PCDH11X: variants seen among roughly 807,000 people sequenced by gnomAD.
The protein encoded by PCDH11X is protocadherin 11 X-linked, also known as protocadherin-11 X-linked.
In PCDH11X, 18 loss-of-function variants were observed where a neutral mutation model predicts 53.3. The observed-to-expected ratio is 0.34, with a 90% CI of 0.23 to 0.50. PCDH11X has a LOEUF of 0.50. PCDH11X is among the 20% of genes least tolerant of loss of function. The pLI is 0.98. For missense variants in PCDH11X, 570 were observed against 1,032.4 expected (o/e 0.55, Z 6.14); for synonymous variants, 279 against 393.3 (o/e 0.71, Z 3.44).
chrX:91,929,942 G>A (rs956185632), intron 6 of PCDH11X, among the ~76,000 whole-genome samples: 2 of 110,962 alleles, frequency 1.8e-5, no homozygotes, highest in Admixed American at 9.7e-5. Flanking sequence ...GGAGAGTAGT[G>A]GAGTGATTTA....
At chrX:92,567,565 T>C (rs1397455360) in intron 10 of PCDH11X, among the ~76,000 whole-genome samples, 1 of 105,576 alleles carries the variant, frequency 9.5e-6, no homozygotes, top group Admixed American at 1.1e-4. Flanking sequence ...GATCATGTCA[T>C]CTGCAAACAA....
Position 92,452,499 on chromosome X carries a change from G to A in PCDH11X, c.3344-15800G>A, listed in dbSNP as rs558796350. Among the ~76,000 whole-genome samples the A allele has an allele frequency of 6.9e-3, 246 of 35,617 alleles. 1 individual carries two copies. Among genetic ancestry groups the A allele is most frequent in the African/African-American group, 0.019 (121 of 6,536 alleles). The allele number at this position is 35,617 out of a possible 115,157, so 30.9% of individuals were successfully genotyped here. A position where few individuals can be genotyped will look rare whatever the true frequency, so the allele number is the denominator to read the frequency against. On this transcript the variant is annotated intron_variant, in intron 9 of 10. Transcript: ENST00000682573. ...TATATATATATATATATATATATAT[G>A]TTTTTTTTTTTTTTTTTGAGATGGA...
intron 6 of PCDH11X, among the ~76,000 whole-genome samples, chrX:92,026,221 G>A (rs777544186): frequency 9.0e-6 from 1 of 110,528 alleles, no homozygotes; most frequent in Non-Finnish European, 1.9e-5. Flanking sequence ...TCAAAAGAAG[G>A]ACAATGTTTT....
At chrX:92,305,327 T>C (rs1212347296) in intron 8 of PCDH11X, among the ~76,000 whole-genome samples, 1 of 108,909 alleles carries the variant, frequency 9.2e-6, no homozygotes, top group Non-Finnish European at 1.9e-5. Context: ...TTTCAGAAAG[T>C]GCAAGACAAG....
chrX:92,177,428 A>G (rs1241695005), intron 6 of PCDH11X, among the ~76,000 whole-genome samples: 1 of 111,827 alleles, frequency 8.9e-6, no homozygotes, highest in Non-Finnish European at 1.9e-5. Context: ...TGATTTTATC[A>G]CAAAAGCTTC....
chrX:92,334,689 A>G (rs978787167), intron 8 of PCDH11X, among the ~76,000 whole-genome samples: 1 of 111,526 alleles, frequency 9.0e-6, no homozygotes, highest in Non-Finnish European at 1.9e-5. Flanking sequence ...TGGCAGCTGC[A>G]TTGCCCGCCA....
chrX:91,873,353 A>G (rs1379428682), intron 5 of PCDH11X, among the ~76,000 whole-genome samples: 1 of 109,312 alleles, frequency 9.1e-6, no homozygotes, highest in South Asian at 4.0e-4. Context: ...GTTTTAAATT[A>G]ATCTAATTCA....
chrX:92,435,307 T>G (rs778381608), intron 9 of PCDH11X, among the ~76,000 whole-genome samples: 1 of 111,016 alleles, frequency 9.0e-6, no homozygotes, highest in Non-Finnish European at 1.9e-5. Context: ...CCAAATCTAC[T>G]AATCATTGAC....
At chrX:92,482,007 C>A (rs1264260795) in intron 10 of PCDH11X, among the ~76,000 whole-genome samples, 2 of 99,536 alleles carry the variant, frequency 2.0e-5, no homozygotes, top group Non-Finnish European at 4.1e-5. Context: ...CCATTTTTGT[C>A]TTCCCTTTGT....
chrX:92,360,430 GATAA>G (rs1451446820), intron 8 of PCDH11X, among the ~76,000 whole-genome samples: 4 of 110,901 alleles, frequency 3.6e-5, no homozygotes, highest in Non-Finnish European at 5.7e-5. Context: ...TTGCACAGGA[GATAA>G]ATAAATAGAA....
Position 91,884,608 on chromosome X carries a change from G to A in PCDH11X, c.3033+5335G>A, listed in dbSNP as rs192988734. Among the ~76,000 whole-genome samples the A allele has an allele frequency of 3.5e-3, 393 of 111,393 alleles. 1 individual carries two copies. Among genetic ancestry groups the A allele is most frequent in the African/African-American group, 0.012 (377 of 30,690 alleles). ...AAGTCAACTAACTCATTTCCTACAC[G>A]AATGAGAAAATGCCTCATATTTTGT... On this transcript the variant is annotated intron_variant, in intron 6 of 10. Coordinates refer to ENST00000682573, the MANE Select transcript of PCDH11X (RefSeq NM_032968.5).
intron 6 of PCDH11X, among the ~76,000 whole-genome samples, chrX:92,183,614 A>C (rs1239732950): frequency 8.9e-6 from 1 of 112,214 alleles, no homozygotes; most frequent in African/African-American, 3.2e-5. Flanking sequence ...TTGCCATCTC[A>C]GAGTAAATGT....
intron 7 of PCDH11X, among the ~76,000 whole-genome samples, chrX:92,218,586 A>T: frequency 9.0e-6 from 1 of 110,818 alleles, no homozygotes; most frequent in East Asian, 2.8e-4. Context: ...GTCCAGGACC[A>T]GATGGATTCA....
intron 7 of PCDH11X, among the ~76,000 whole-genome samples, chrX:92,224,840 C>T (rs2066941141): frequency 8.9e-6 from 1 of 112,267 alleles, no homozygotes; most frequent in Admixed American, 9.5e-5. Flanking sequence ...TACACTTAAT[C>T]ACTGATCATG....
In PCDH11X at chrX:92,300,983, C is replaced by T. The variant is rs190819198; in HGVS notation, c.3144+37840C>T. On this transcript the variant is annotated intron_variant, in intron 8 of 10. Transcript: ENST00000682573. ...TGGCACAGTAGGGTGTATGTGCACC[C>T]TTGTGCCAGCAAGTGAAGGAAAGGC... 1.8e-4 allele frequency among the ~76,000 whole-genome samples: 20 copies of T among 111,335 alleles called. No individual in the cohort carries two copies. The East Asian group carries it at 5.7e-3, about 32-fold the overall frequency.
rs559795037 is a variant in PCDH11X, at chrX:92,264,052, T to C, written c.3144+909T>C. Among the ~76,000 whole-genome samples the C allele has an allele frequency of 3.9e-4, 44 of 111,957 alleles. No homozygotes were observed. The South Asian group carries it at 5.6e-3, about 14-fold the overall frequency. The stretch of plus-strand genomic sequence containing the variant: ...ATCTTTGCTGTTGCTAAGTTAAATA[T>C]ATATAATCTTAAAGATGAATTATCT... On this transcript the variant is annotated intron_variant, in intron 8 of 10. Coordinates refer to ENST00000682573, the MANE Select transcript of PCDH11X (RefSeq NM_032968.5).
At chrX:92,056,053 A>G (rs2063444590) in intron 6 of PCDH11X, among the ~76,000 whole-genome samples, 1 of 110,505 alleles carries the variant, frequency 9.0e-6, no homozygotes, top group Non-Finnish European at 1.9e-5. Flanking sequence ...GTATATACTT[A>G]GTAATGGGAT....
chrX:92,002,017 T>A (rs937078382), intron 6 of PCDH11X, among the ~76,000 whole-genome samples: 11 of 101,896 alleles, frequency 1.1e-4, no homozygotes, highest in Non-Finnish European at 1.8e-4. Context: ...TTTCTTGTAA[T>A]AGCCTTTGAC....
intron 6 of PCDH11X, among the ~76,000 whole-genome samples, chrX:91,969,606 C>G (rs2061918777): frequency 9.2e-6 from 1 of 108,892 alleles, no homozygotes; most frequent in Non-Finnish European, 1.9e-5. Flanking sequence ...TTAGAACAGC[C>G]TGGGCAACAT....
Sources: allele counts gnomAD v4.1 joint callset (sites outside exome capture counted in the v4.1 genomes callset), GRCh38; gene constraint gnomAD v4.1.1; transcripts MANE v1.5; gene names NCBI Gene and HGNC (gene_info 2026-07-23, HGNC 2026-07-21).